PSPC1: variants seen among roughly 807,000 people sequenced by gnomAD.
PSPC1 encodes paraspeckle protein 1.
Under a neutral mutation model 51.6 loss-of-function variants are expected in PSPC1, and 14 were observed. That is an observed-to-expected ratio of 0.27 (90% confidence interval 0.18 to 0.42). PSPC1 has a LOEUF of 0.42. Ranked by LOEUF, PSPC1 falls within the 10% of genes least tolerant of loss-of-function variation. PSPC1 has a pLI of 1.00. For synonymous variants in PSPC1, 193 were observed against 231.9 expected (o/e 0.83, Z 1.53); for missense variants, 406 against 701.1 (o/e 0.58, Z 4.75).
chr13:19,695,365 T>A (rs1262278188), intron 6 of PSPC1, among the ~76,000 whole-genome samples: 2 of 152,206 alleles, frequency 1.3e-5, no homozygotes, highest in African/African-American at 4.8e-5. Context: ...AAACACACTT[T>A]TCTACATTGT....
intron 4 of PSPC1, among the ~76,000 whole-genome samples, chr13:19,743,013 A>C (rs1460967839): frequency 6.6e-6 from 1 of 152,202 alleles, no homozygotes. Flanking sequence ...AAGCATTTCC[A>C]CTATCACCAA....
chr13:19,772,111 T>C, intron 2 of PSPC1, 131 bp downstream of exon 2: 2 of 994,262 alleles, frequency 2.0e-6, no homozygotes, highest in Non-Finnish European at 2.9e-6. Flanking sequence ...TTCTTATTTA[T>C]ATTCACTGAA....
intron 8 of PSPC1, among the ~76,000 whole-genome samples, chr13:19,704,690 T>C (rs949699683): frequency 1.3e-5 from 2 of 152,196 alleles, no homozygotes; most frequent in African/African-American, 4.8e-5. Context: ...CAGACTTTAA[T>C]AGAAATGATA....
At chr13:19,706,390 CTTTT>C (rs1247432207) in intron 7 of PSPC1, among the ~76,000 whole-genome samples, 1 of 151,114 alleles carries the variant, frequency 6.6e-6, no homozygotes, top group South Asian at 2.1e-4. Context: ...ATAAGGTACT[CTTTT>C]TTTAACTTTT....
intron 6 of PSPC1, among the ~76,000 whole-genome samples, chr13:19,687,303 A>G (rs1471421004): frequency 6.6e-6 from 1 of 152,190 alleles, no homozygotes; most frequent in Non-Finnish European, 1.5e-5. Context: ...GCAGTGTTCT[A>G]TGGAGCTTCA....
chr13:19,675,535 T>C (rs1343439944), intron 7 of PSPC1: 1 of 152,070 alleles, frequency 6.6e-6, no homozygotes, highest in Admixed American at 6.6e-5. Flanking sequence ...GTGCTATGAT[T>C]GCCCAGACAT....
chr13:19,752,080 A>AG (rs1886611660), intron 3 of PSPC1, among the ~76,000 whole-genome samples: 1 of 152,178 alleles, frequency 6.6e-6, no homozygotes, highest in African/African-American at 2.4e-5. Context: ...TATTTTACAA[A>AG]GGAAAGTCTG....
chr13:19,677,530 C>A (rs1263339142), intron 7 of PSPC1, among the ~76,000 whole-genome samples: 1 of 152,170 alleles, frequency 6.6e-6, no homozygotes, highest in African/African-American at 2.4e-5. Context: ...CCTACGAAGA[C>A]AGGCCAAGCT....
At chr13:19,779,020 G>A (rs1310290847) in intron 1 of PSPC1, among the ~76,000 whole-genome samples, 6 of 139,098 alleles carry the variant, frequency 4.3e-5, no homozygotes, top group Non-Finnish European at 9.5e-5. Flanking sequence ...CCTCTGCCCC[G>A]CTGCCCCATC....
At chr13:19,737,954 G>A (rs1423782770) in intron 5 of PSPC1, among the ~76,000 whole-genome samples, 2 of 152,114 alleles carry the variant, frequency 1.3e-5, no homozygotes, top group African/African-American at 4.8e-5. Context: ...TTAGCTGGGT[G>A]TGGTGGTAAA....
intron 6 of PSPC1, among the ~76,000 whole-genome samples, chr13:19,682,356 G>C (rs1246722610): frequency 1.3e-5 from 2 of 152,046 alleles, no homozygotes; most frequent in Non-Finnish European, 2.9e-5. Context: ...TACATTCACA[G>C]ATTATACATA....
At chr13:19,776,651 G>C (rs1889157544) in intron 1 of PSPC1, among the ~76,000 whole-genome samples, 2 of 151,850 alleles carry the variant, frequency 1.3e-5, no homozygotes, top group Admixed American at 6.6e-5. Flanking sequence ...GGGACTACAG[G>C]TGCCTGCAAC....
In PSPC1 at chr13:19,692,272, C is replaced by T. The variant is rs370010546; in HGVS notation, c.1159-14449G>A. On this transcript the variant is annotated intron_variant and NMD_transcript_variant, in intron 6 of 7. Transcript: ENST00000471658. ...CCGAGTAGCTGGAACCACAGGTTTGCGTCACCATGCCCGGCTACTCTTTTA... is the reference window on the plus strand; with the variant it reads ...CCGAGTAGCTGGAACCACAGGTTTGTGTCACCATGCCCGGCTACTCTTTTA... Among the ~76,000 whole-genome samples, 44 of 152,202 alleles carry T rather than the reference C, an allele frequency of 2.9e-4. 1 individual carries two copies. In the South Asian group the frequency reaches 6.9e-3, roughly 24 times the overall value.
chr13:19,700,046 C>A (rs1446522345), downstream of PSPC1, among the ~76,000 whole-genome samples: 1 of 151,900 alleles, frequency 6.6e-6, no homozygotes, highest in Non-Finnish European at 1.5e-5. Context: ...AAGCTTTTAC[C>A]ATAATATGAT....
chr13:19,671,843 C>T (rs754254118), downstream of PSPC1: 1 of 1,614,140 alleles, frequency 6.2e-7, no homozygotes. Context: ...GGTTAAGTTG[C>T]TAATAGGTGC....
chr13:19,774,705 T>G (rs1888924401), intron 1 of PSPC1, among the ~76,000 whole-genome samples: 1 of 150,108 alleles, frequency 6.7e-6, no homozygotes, highest in Non-Finnish European at 1.5e-5. Context: ...CTTGGGGGAC[T>G]GAGGTGGGAG....
intron 4 of PSPC1, among the ~76,000 whole-genome samples, chr13:19,750,549 G>A (rs1430225337): frequency 6.6e-6 from 1 of 151,578 alleles, no homozygotes; most frequent in African/African-American, 2.4e-5. Flanking sequence ...ATCTCTACCA[G>A]ATTATCCATC....
At chr13:19,733,351 A>T (rs1011689469) in intron 5 of PSPC1, among the ~76,000 whole-genome samples, 1 of 152,126 alleles carries the variant, frequency 6.6e-6, no homozygotes, top group African/African-American at 2.4e-5. Context: ...TTTATGGCCG[A>T]ATTTGGTGGC....
chr13:19,677,093 C>T (rs1034416445), intron 7 of PSPC1, among the ~76,000 whole-genome samples: 7 of 151,980 alleles, frequency 4.6e-5, no homozygotes, highest in East Asian at 1.9e-4. Flanking sequence ...ATTAGCCGGG[C>T]ATGGTGGCAG....
Sources: allele counts gnomAD v4.1 joint callset (sites outside exome capture counted in the v4.1 genomes callset), GRCh38; gene constraint gnomAD v4.1.1; transcripts MANE v1.5; gene names NCBI Gene and HGNC (gene_info 2026-07-23, HGNC 2026-07-21).